RSU1: variants seen among roughly 807,000 people sequenced by gnomAD.
RSU1 encodes rsu-1.
Under a neutral mutation model 31.1 loss-of-function variants are expected in RSU1, and 26 were observed. The ratio of observed to expected loss-of-function variants is 0.84; its 90% confidence interval spans 0.61 to 1.16. RSU1 has a LOEUF of 1.16. Among genes scored for constraint, RSU1 ranks in the 50% most tolerant of loss-of-function variants. The pLI, the probability that RSU1 is intolerant of heterozygous loss-of-function variation, is 0.00. For missense variants in RSU1, 320 were observed against 339.1 expected (o/e 0.94, Z 0.44); for synonymous variants, 164 against 136.3 (o/e 1.20, Z -1.41).
chr10:16,671,921 C>T (rs557968688), intron 8 of RSU1, among the ~76,000 whole-genome samples: 5 of 151,570 alleles, frequency 3.3e-5, no homozygotes, highest in South Asian at 2.1e-4. Flanking sequence ...CCACCATGCC[C>T]GGCTGGCTCA....
At chr10:16,721,690 G>C (rs1836266798) in intron 7 of RSU1, 1 of 152,302 alleles carries the variant, frequency 6.6e-6, no homozygotes, top group Non-Finnish European at 1.5e-5. Flanking sequence ...TTCTGAGTGG[G>C]ACAGACGTGG....
intron 5 of RSU1, among the ~76,000 whole-genome samples, chr10:16,754,087 T>A (rs969415399): frequency 6.6e-6 from 1 of 152,108 alleles, no homozygotes; most frequent in Non-Finnish European, 1.5e-5. Context: ...TATTTTATAG[T>A]TGGTTTCATG....
At chr10:16,688,965 G>A (rs1835492151) in intron 8 of RSU1, among the ~76,000 whole-genome samples, 1 of 151,506 alleles carries the variant, frequency 6.6e-6, no homozygotes, top group Non-Finnish European at 1.5e-5. Flanking sequence ...CTATCATGGT[G>A]CCCCTGCACT....
intron 8 of RSU1, among the ~76,000 whole-genome samples, chr10:16,611,235 C>T (rs1013837185): frequency 6.6e-6 from 1 of 152,168 alleles, no homozygotes; most frequent in East Asian, 1.9e-4. Context: ...GGCCACACTA[C>T]GTCTAGCCTC....
chr10:16,646,921 G>A (rs894804651), intron 8 of RSU1, among the ~76,000 whole-genome samples: 1 of 152,086 alleles, frequency 6.6e-6, no homozygotes, highest in African/African-American at 2.4e-5. Flanking sequence ...TGTGAAATGG[G>A]GCTGGAACCA....
chr10:16,628,322 T>C (rs1834193043), intron 8 of RSU1, among the ~76,000 whole-genome samples: 1 of 152,252 alleles, frequency 6.6e-6, no homozygotes, highest in Admixed American at 6.5e-5. Context: ...CTATGTCATC[T>C]TCCTCCATAT....
chr10:16,714,441 G>GTC (rs1836090221), intron 7 of RSU1, among the ~76,000 whole-genome samples: 1 of 152,202 alleles, frequency 6.6e-6, no homozygotes, highest in Non-Finnish European at 1.5e-5. Context: ...CTCTTTGGGT[G>GTC]TCTGTATGCG....
At chr10:16,654,539 G>A (rs960615193) in intron 8 of RSU1, among the ~76,000 whole-genome samples, 3 of 151,492 alleles carry the variant, frequency 2.0e-5, no homozygotes, top group South Asian at 4.2e-4. Context: ...GCATGGTGGC[G>A]TGTGCCTGTA....
At chr10:16,797,979 A>G (rs1838077308) in intron 2 of RSU1, among the ~76,000 whole-genome samples, 1 of 149,030 alleles carries the variant, frequency 6.7e-6, no homozygotes. Context: ...CTCCTGCCTC[A>G]GCCTCCAGAG....
intron 8 of RSU1, among the ~76,000 whole-genome samples, chr10:16,661,959 GTCTACCA>G (rs1319025748): frequency 6.6e-6 from 1 of 152,220 alleles, no homozygotes; most frequent in Non-Finnish European, 1.5e-5. Flanking sequence ...TCTGCATCTA[GTCTACCA>G]TGGTGAGAAG....
intron 7 of RSU1, among the ~76,000 whole-genome samples, chr10:16,732,714 G>C (rs1836539526): frequency 6.6e-6 from 1 of 152,224 alleles, no homozygotes; most frequent in African/African-American, 2.4e-5. Context: ...TTCTACTGCA[G>C]TGACACCTGG....
chr10:16,737,711 A>C (rs909662152), intron 7 of RSU1, among the ~76,000 whole-genome samples: 2 of 151,980 alleles, frequency 1.3e-5, no homozygotes, highest in Non-Finnish European at 2.9e-5. Flanking sequence ...TCAATGTGAA[A>C]AACTTTTTCC....
intron 8 of RSU1, among the ~76,000 whole-genome samples, chr10:16,676,820 C>T (rs1028768538): frequency 1.3e-5 from 2 of 152,038 alleles, no homozygotes; most frequent in African/African-American, 4.8e-5. Context: ...GGTTGAGTAT[C>T]CCTAATCCCA....
At chr10:16,797,052 A>T (rs761797381) in intron 2 of RSU1, among the ~76,000 whole-genome samples, 2 of 152,234 alleles carry the variant, frequency 1.3e-5, no homozygotes, top group Non-Finnish European at 2.9e-5. Flanking sequence ...AGCTGAAATT[A>T]GGAAGGGTTT....
chr10:16,776,287 C>T (rs188116920), intron 3 of RSU1, among the ~76,000 whole-genome samples: 2 of 152,158 alleles, frequency 1.3e-5, no homozygotes, highest in East Asian at 3.9e-4. Context: ...AAATATGCTG[C>T]TTAATTTGTT....
chr10:16,664,080 T>C (rs1043740286), intron 8 of RSU1, among the ~76,000 whole-genome samples: 2 of 152,196 alleles, frequency 1.3e-5, no homozygotes, highest in Non-Finnish European at 2.9e-5. Context: ...TGACCTTTCC[T>C]TTATTGCAAA....
intron 8 of RSU1, among the ~76,000 whole-genome samples, chr10:16,687,679 A>G (rs1032920591): frequency 6.6e-6 from 1 of 152,130 alleles, no homozygotes; most frequent in African/African-American, 2.4e-5. Context: ...TCATGATCAC[A>G]TACAGGAACA....
chr10:16,723,798 C>G (rs1836329712), intron 7 of RSU1, among the ~76,000 whole-genome samples: 2 of 152,056 alleles, frequency 1.3e-5, no homozygotes, highest in South Asian at 4.1e-4. Context: ...AAGAAGGTGA[C>G]TGAGATGGCC....
Position 16,718,797 on chromosome 10 carries a change from A to G in RSU1, c.599-23642T>C, listed in dbSNP as rs192818010. ...GTAGATCAAGACCAGCGTGGCCAACATGGTGAAACCCCGTCTCTACTAAAA... is the reference window on the plus strand; with the variant it reads ...GTAGATCAAGACCAGCGTGGCCAACGTGGTGAAACCCCGTCTCTACTAAAA... On this transcript the variant is annotated intron_variant, in intron 7 of 8. Transcript: ENST00000345264. 3.3e-5 allele frequency among the ~76,000 whole-genome samples: 5 copies of G among 152,200 alleles called. No homozygotes were observed. In the East Asian group the frequency reaches 9.7e-4, roughly 29 times the overall value.
Sources: allele counts gnomAD v4.1 joint callset (sites outside exome capture counted in the v4.1 genomes callset), GRCh38; gene constraint gnomAD v4.1.1; transcripts MANE v1.5; gene names NCBI Gene and HGNC (gene_info 2026-07-23, HGNC 2026-07-21).